ARL8B: variants seen among roughly 807,000 people sequenced by gnomAD.
The protein encoded by ARL8B is ADP-ribosylation factor-like protein 8B.
Under a neutral mutation model 30.6 loss-of-function variants are expected in ARL8B, and 9 were observed. That is an observed-to-expected ratio of 0.29 (90% CI 0.18 to 0.51). ARL8B has a LOEUF of 0.51. ARL8B is among the 20% of genes least tolerant of loss of function. The pLI is 0.97. For synonymous variants in ARL8B, 74 were observed against 76.0 expected (o/e 0.97, Z 0.14); for missense variants, 130 against 227.2 (o/e 0.57, Z 2.75).
intron 1 of ARL8B, among the ~76,000 whole-genome samples, chr3:5,130,194 A>ATTT (rs5846362): frequency 0.11 from 16,878 of 147,568 alleles, 1,035 homozygotes; most frequent in Non-Finnish European, 0.13. Context: ...AAAAATATAT[A>ATTT]TTTTTTTTTT....
intron 1 of ARL8B, among the ~76,000 whole-genome samples, chr3:5,140,053 C>T (rs938015931): frequency 4.8e-5 from 7 of 145,300 alleles, no homozygotes; most frequent in South Asian, 4.4e-4. Flanking sequence ...GTGGCACCAT[C>T]TCTGCTCACT....
intron 1 of ARL8B, among the ~76,000 whole-genome samples, chr3:5,151,288 G>A (rs1677631354): frequency 6.6e-6 from 1 of 151,964 alleles, no homozygotes; most frequent in Non-Finnish European, 1.5e-5. Context: ...TCTAATATAA[G>A]CATTTGAAGC....
chr3:5,173,916 G>A, intron 4 of ARL8B, 101 bp from the exon 5 acceptor site: 1 of 874,732 alleles, frequency 1.1e-6, no homozygotes, highest in Non-Finnish European at 1.9e-6. Context: ...ATTGTGGAAT[G>A]TGTTAACATC....
rs376669879 is a variant in ARL8B, at chr3:5,178,350, C to CTT, written c.512-294_512-293dup. Among the ~76,000 whole-genome samples the CTT allele has an allele frequency of 5.0e-3, 571 of 115,262 alleles. 11 individuals carry two copies. The highest frequency in any genetic ancestry group is 7.2e-3 in the Admixed American group (80 of 11,152). 75.6% of individuals were successfully genotyped at this position (115,262 alleles called of 152,430 possible). Reference sequence around the variant, plus strand: ...CCTTGAGGGCAAACAGGGGTTATTCCTTTTTTTTTTTTTTTTTTTTTGCCT... The same window carrying CTT: ...CCTTGAGGGCAAACAGGGGTTATTCCTTTTTTTTTTTTTTTTTTTTTTTGCCT... On this transcript the variant is annotated intron_variant, in intron 6 of 6. Transcript: ENST00000256496.
At chr3:5,135,354 C>A (rs1054087740) in intron 1 of ARL8B, among the ~76,000 whole-genome samples, 1 of 136,180 alleles carries the variant, frequency 7.3e-6, no homozygotes. Context: ...AGTCTTGGCT[C>A]ACTGCAACCT....
At chr3:5,146,667 C>A (rs988636449) in intron 1 of ARL8B, among the ~76,000 whole-genome samples, 1 of 152,104 alleles carries the variant, frequency 6.6e-6, no homozygotes, top group Non-Finnish European at 1.5e-5. Context: ...ATTCCTAATT[C>A]TAAACCCAAT....
At chr3:5,168,741 C>T (rs541100297) in intron 1 of ARL8B, among the ~76,000 whole-genome samples, 1 of 152,296 alleles carries the variant, frequency 6.6e-6, no homozygotes, top group African/African-American at 2.4e-5. Flanking sequence ...CACATTAAAT[C>T]ATGTTCTATA....
At chr3:5,130,263 G>A (rs1429010716) in intron 1 of ARL8B, among the ~76,000 whole-genome samples, 1 of 151,810 alleles carries the variant, frequency 6.6e-6, no homozygotes, top group Non-Finnish European at 1.5e-5. Context: ...GGGCTCAAGA[G>A]ATTCTCCTGC....
intron 1 of ARL8B, among the ~76,000 whole-genome samples, chr3:5,123,166 A>C (rs895851462): frequency 6.6e-6 from 1 of 152,164 alleles, no homozygotes. Flanking sequence ...GCGGAGACCA[A>C]GCTCATTGCT....
intron 1 of ARL8B, among the ~76,000 whole-genome samples, chr3:5,131,193 C>T (rs2054280071): frequency 6.6e-6 from 1 of 152,080 alleles, no homozygotes; most frequent in Non-Finnish European, 1.5e-5. Context: ...GTGTGAGCCA[C>T]CGTGCCCGGC....
intron 1 of ARL8B, among the ~76,000 whole-genome samples, chr3:5,166,965 A>C (rs1047070338): frequency 6.6e-6 from 1 of 152,206 alleles, no homozygotes; most frequent in Non-Finnish European, 1.5e-5. Flanking sequence ...ACATAAAACC[A>C]TAAACGTTAG....
intron 1 of ARL8B, among the ~76,000 whole-genome samples, chr3:5,148,644 A>G (rs1353362216): frequency 6.6e-6 from 1 of 152,098 alleles, no homozygotes; most frequent in Non-Finnish European, 1.5e-5. Flanking sequence ...AGCAGAGTGT[A>G]ACCTACCTCT....
Position 5,174,428 on chromosome 3 carries a change from G to C in ARL8B, c.511+14G>C, listed in dbSNP as rs375485804. ...AGGATAATATAGGTAAGAAATGACT[G>C]GTAATTTTGGAAGAAATGGGTATCA... On this transcript the variant is annotated intron_variant, in intron 6 of 6. Transcript: ENST00000256496. The C allele has an allele frequency of 1.3e-6, 2 of 1,540,834 alleles. No homozygotes were observed. Among genetic ancestry groups the C allele is most frequent in the Non-Finnish European group, 1.8e-6 (2 of 1,115,516 alleles).
intron 1 of ARL8B, among the ~76,000 whole-genome samples, chr3:5,135,689 CGTT>C (rs1256482422): frequency 1.3e-5 from 2 of 151,612 alleles, no homozygotes; most frequent in African/African-American, 4.8e-5. Flanking sequence ...AAACTCCTGA[CGTT>C]GTGATCTGCC....
intron 1 of ARL8B, among the ~76,000 whole-genome samples, chr3:5,151,176 C>A (rs2054480084): frequency 6.6e-6 from 1 of 152,054 alleles, no homozygotes; most frequent in Non-Finnish European, 1.5e-5. Flanking sequence ...GTATTATTTA[C>A]TGCTCTTACC....
intron 1 of ARL8B, among the ~76,000 whole-genome samples, chr3:5,155,191 T>A (rs147956893): frequency 3.3e-5 from 5 of 152,230 alleles, no homozygotes; most frequent in South Asian, 2.1e-4. Flanking sequence ...GGATTCTCGG[T>A]TAACAGTTTT....
At position 5,174,705 on chromosome 3, in the gene ARL8B, TG is replaced by T. The variant is rs2054711002; in HGVS notation, c.511+292del. 3.5e-5 allele frequency among the ~76,000 whole-genome samples: 5 copies of T among 144,062 alleles called. No homozygotes were observed. The East Asian group carries it at 7.9e-4, about 23-fold the overall frequency. 94.5% of individuals were successfully genotyped at this position (144,062 alleles called of 152,430 possible). ...TATTATATATTATATGTAATATATATGTAATATGTATTATATATTATATGTA... is the reference window on the plus strand; with the variant it reads ...TATTATATATTATATGTAATATATATTAATATGTATTATATATTATATGTA... On this transcript the variant is annotated intron_variant, in intron 6 of 6. Transcript: ENST00000256496.
At chr3:5,133,110 T>TA (rs757279594) in intron 1 of ARL8B, among the ~76,000 whole-genome samples, 6 of 151,644 alleles carry the variant, frequency 4.0e-5, no homozygotes, top group Non-Finnish European at 7.4e-5. Flanking sequence ...GGAAAAAAGA[T>TA]ATTCAAGCAG....
At chr3:5,126,367 A>T (rs1251350300) in intron 1 of ARL8B, among the ~76,000 whole-genome samples, 1 of 152,216 alleles carries the variant, frequency 6.6e-6, no homozygotes, top group Non-Finnish European at 1.5e-5. Flanking sequence ...TCACTCTAGA[A>T]AGGTGACCAT....
Sources: allele counts gnomAD v4.1 joint callset (sites outside exome capture counted in the v4.1 genomes callset), GRCh38; gene constraint gnomAD v4.1.1; transcripts MANE v1.5; gene names NCBI Gene and HGNC (gene_info 2026-07-23, HGNC 2026-07-21).